PLXDC2: variants seen among roughly 807,000 people sequenced by gnomAD.
PLXDC2 encodes the protein plexin domain containing 2.
Under a neutral mutation model 68.9 loss-of-function variants are expected in PLXDC2, and 40 were observed. The ratio of observed to expected loss-of-function variants is 0.58; its 90% CI spans 0.45 to 0.76. PLXDC2 has a LOEUF of 0.76. Among genes scored for constraint, PLXDC2 ranks in the 30% least tolerant of loss-of-function variants. PLXDC2 has a pLI of 0.00. For synonymous variants in PLXDC2, 243 were observed against 234.2 expected (o/e 1.04, Z -0.34); for missense variants, 644 against 661.9 (o/e 0.97, Z 0.30).
intron 1 of PLXDC2, among the ~76,000 whole-genome samples, chr10:19,985,930 T>A (rs528269976): frequency 1.3e-5 from 2 of 152,306 alleles, no homozygotes; most frequent in South Asian, 4.1e-4. Flanking sequence ...CAGACCACTT[T>A]GCCTATGCTT....
intron 4 of PLXDC2, among the ~76,000 whole-genome samples, chr10:20,091,568 A>G (rs900156439): frequency 2.6e-5 from 4 of 152,170 alleles, no homozygotes; most frequent in African/African-American, 7.2e-5. Context: ...GTTCAGTAGG[A>G]ATTTCATGAA....
intron 12 of PLXDC2, among the ~76,000 whole-genome samples, chr10:20,230,098 A>G (rs1412909374): frequency 6.6e-6 from 1 of 152,232 alleles, no homozygotes; most frequent in Admixed American, 6.5e-5. Flanking sequence ...CAAACATACT[A>G]GTAACTATTT....
intron 7 of PLXDC2, among the ~76,000 whole-genome samples, chr10:20,173,201 T>A (rs930845052): frequency 4.6e-5 from 7 of 152,196 alleles, no homozygotes; most frequent in Non-Finnish European, 7.3e-5. Flanking sequence ...TGGACTCGAT[T>A]TGAACCAGAA....
At chr10:20,099,377 A>T (rs1043589348) in intron 4 of PLXDC2, among the ~76,000 whole-genome samples, 1 of 152,162 alleles carries the variant, frequency 6.6e-6, no homozygotes, top group African/African-American at 2.4e-5. Flanking sequence ...TATAAATATT[A>T]ATTTGCAAAA....
rs188646381 is a variant in PLXDC2 at position 20,262,304 on chromosome 10, T to C, written c.1473+16799T>C. 2.0e-5 allele frequency among the ~76,000 whole-genome samples: 3 copies of C among 152,334 alleles called. No homozygotes were observed. In the East Asian group the frequency reaches 5.8e-4, roughly 29 times the overall value. ...TTGCTTATTTGCTCTACAGAAGCTT[T>C]TCAGTTTTATGTAATCTCACTTTTT... is the stretch of plus-strand genomic sequence containing the variant. On this transcript the variant is annotated intron_variant, in intron 13 of 13. Transcript: ENST00000377252.
At chr10:20,162,070 GA>G (rs1564337996) in intron 6 of PLXDC2, among the ~76,000 whole-genome samples, 3,992 of 38,076 alleles carry the variant, frequency 0.1, 70 homozygotes, top group Non-Finnish European at 0.13. Flanking sequence ...GAGAGAGAGA[GA>G]GAAGGAAGGA....
Position 19,953,750 on chromosome 10 carries a change from C to CA in PLXDC2, c.113-48022dup, listed in dbSNP as rs1236193868. Among the ~76,000 whole-genome samples the CA allele has an allele frequency of 1.1e-4, 16 of 152,190 alleles. No individual in the cohort carries two copies. In the East Asian group the frequency reaches 2.3e-3, roughly 22 times the overall value. Reference sequence around the variant, plus strand: ...GAAAGGAGTTTATGATCATCATACTCAAAGTGATCTCTAAGAGTGATTTTA... The same window carrying CA: ...GAAAGGAGTTTATGATCATCATACTCAAAAGTGATCTCTAAGAGTGATTTTA... On this transcript the variant is annotated intron_variant, in intron 1 of 13. Transcript: ENST00000377252.
chr10:20,102,847 C>T (rs2073852731), intron 4 of PLXDC2, among the ~76,000 whole-genome samples: 1 of 152,088 alleles, frequency 6.6e-6, no homozygotes, highest in South Asian at 2.1e-4. Context: ...TTTTTAAAGC[C>T]ACGGGATAGG....
At chr10:20,006,043 A>T (rs1219154766) in intron 2 of PLXDC2, among the ~76,000 whole-genome samples, 1 of 152,016 alleles carries the variant, frequency 6.6e-6, no homozygotes, top group Non-Finnish European at 1.5e-5. Context: ...TACAAAAATT[A>T]GCTGGCGAGT....
chr10:19,893,958 C>T lies in PLXDC2; in HGVS notation c.112+76767C>T, dbSNP rs76001813. Among the ~76,000 whole-genome samples the T allele has an allele frequency of 8.2e-3, 1,249 of 152,296 alleles. 18 individuals carry two copies. The highest frequency in any genetic ancestry group is 0.029 in the African/African-American group (1,186 of 41,552). On this transcript the variant is annotated intron_variant, in intron 1 of 13. Transcript: ENST00000377252. ...GGTCAACCATGCTAACAGCTCAAAT[C>T]CCTTGAACCCTCTTCACTGCCCTAG...
chr10:19,835,282 C>G (rs1241908247), intron 1 of PLXDC2, among the ~76,000 whole-genome samples: 2 of 152,152 alleles, frequency 1.3e-5, no homozygotes, highest in Non-Finnish European at 2.9e-5. Context: ...CAAAGGGTCT[C>G]TCTAGTGTGG....
At chr10:20,018,644 A>C (rs192960572) in intron 2 of PLXDC2, among the ~76,000 whole-genome samples, 4 of 152,308 alleles carry the variant, frequency 2.6e-5, no homozygotes, top group South Asian at 4.1e-4. Context: ...GCTCACATCT[A>C]CTATTAATTG....
chr10:19,840,270 G>C (rs139474868), intron 1 of PLXDC2, among the ~76,000 whole-genome samples: 22 of 152,128 alleles, frequency 1.4e-4, no homozygotes, highest in African/African-American at 4.6e-4. Flanking sequence ...TACAGAGAAG[G>C]GAGAAGATTA....
chr10:20,165,082 C>T (rs1186740599), intron 7 of PLXDC2, among the ~76,000 whole-genome samples: 1 of 152,092 alleles, frequency 6.6e-6, no homozygotes, highest in African/African-American at 2.4e-5. Context: ...CTCAGCCTCC[C>T]AAAGTGCTAG....
chr10:20,088,443 A>T (rs1407087049), intron 4 of PLXDC2, among the ~76,000 whole-genome samples: 1 of 152,202 alleles, frequency 6.6e-6, no homozygotes, highest in African/African-American at 2.4e-5. Flanking sequence ...CTCTGGGATA[A>T]CTATGATTTC....
At chr10:19,827,679 G>A (rs901356906) in intron 1 of PLXDC2, among the ~76,000 whole-genome samples, 2 of 151,710 alleles carry the variant, frequency 1.3e-5, no homozygotes, top group East Asian at 2.0e-4. Context: ...TCCTGCCTCA[G>A]TCTCCCAAAT....
intron 1 of PLXDC2, among the ~76,000 whole-genome samples, chr10:20,000,464 C>T (rs12762236): frequency 0.16 from 24,094 of 151,774 alleles, 2,349 homozygotes; most frequent in Non-Finnish European, 0.22. Flanking sequence ...GTGTTTCTCT[C>T]TGGTATGAGA....
chr10:19,915,220 T>G (rs1290302785), intron 1 of PLXDC2, among the ~76,000 whole-genome samples: 3 of 152,198 alleles, frequency 2.0e-5, no homozygotes, highest in Admixed American at 6.6e-5. Context: ...TCTGCTTTCC[T>G]GTGAGTGATT....
chr10:20,041,317 G>C (rs951466390), intron 2 of PLXDC2, among the ~76,000 whole-genome samples: 2 of 152,140 alleles, frequency 1.3e-5, no homozygotes, highest in Admixed American at 6.6e-5. Context: ...AAAAATTCTT[G>C]AGTCACAACT....
Sources: gnomAD v4.1 joint callset for allele counts (sites outside exome capture counted in the v4.1 genomes callset) on GRCh38, gnomAD v4.1.1 for gene constraint, MANE v1.5 for transcripts, NCBI Gene and HGNC (gene_info 2026-07-23, HGNC 2026-07-21) for gene names.